STK17A: variants seen among roughly 807,000 people sequenced by gnomAD.
The protein encoded by STK17A is serine/threonine kinase 17a, also known as serine/threonine-protein kinase 17A.
In STK17A, 26 loss-of-function variants were observed where a neutral mutation model predicts 43.7. That is an observed-to-expected ratio of 0.60 (90% confidence interval 0.44 to 0.83). STK17A has a LOEUF of 0.83. Among genes scored for constraint, STK17A ranks in the 40% least tolerant of loss-of-function variants. The pLI is 0.00. For missense variants in STK17A, 476 were observed against 511.6 expected, an observed-to-expected ratio of 0.93 and a Z score of 0.67; for synonymous variants, 191 against 182.5, an observed-to-expected ratio of 1.05 and a Z score of -0.38.
At chr7:43,584,506 T>C (rs2152970036) in intron 1 of STK17A, among the ~76,000 whole-genome samples, 1 of 152,342 alleles carries the variant, frequency 6.6e-6, no homozygotes, top group East Asian at 1.9e-4. Flanking sequence ...TTGCCAGCAT[T>C]TGTCATGGTT....
At position 43,583,164 on chromosome 7, in the gene STK17A, C is replaced by G; in HGVS notation, c.-80C>G. On this transcript the variant is annotated 5_prime_UTR_variant, in exon 1 of 7. Coordinates refer to ENST00000319357, the MANE Select transcript of STK17A (RefSeq NM_004760.3). ...TGTTTGAAGGCTCCGCGGACCGGCACTAGGAGCCGGGGGCGGGTCCGTGAC... is the reference window on the plus strand; with the variant it reads ...TGTTTGAAGGCTCCGCGGACCGGCAGTAGGAGCCGGGGGCGGGTCCGTGAC... 1 of 1,472,052 alleles carries G rather than the reference C, an allele frequency of 6.8e-7. No individual in the cohort carries two copies. Among genetic ancestry groups the G allele is most frequent in the Non-Finnish European group, 9.1e-7 (1 of 1,094,122 alleles). The allele number at this position is 1,472,052 out of a possible 1,614,324, so 91.2% of individuals were successfully genotyped here.
chr7:43,599,663 T>C (rs1448345853), intron 2 of STK17A, among the ~76,000 whole-genome samples: 2 of 152,162 alleles, frequency 1.3e-5, no homozygotes, highest in Non-Finnish European at 1.5e-5. Context: ...TGTGTATAAA[T>C]ATGAGAAAGG....
At chr7:43,623,540 A>C in intron 4 of STK17A, 32 bp from the exon 5 acceptor site, 1 of 1,595,348 alleles carries the variant, frequency 6.3e-7, no homozygotes, top group Non-Finnish European at 8.5e-7. Context: ...TTTTCCACAA[A>C]ACTAAATGTT....
chr7:43,614,318 T>A (rs1267191012), intron 3 of STK17A, among the ~76,000 whole-genome samples: 1 of 152,232 alleles, frequency 6.6e-6, no homozygotes, highest in African/African-American at 2.4e-5. Context: ...TCTCTATTGA[T>A]TGACCTTGCT....
intron 2 of STK17A, among the ~76,000 whole-genome samples, chr7:43,596,981 A>G (rs2082520201): frequency 6.6e-6 from 1 of 152,176 alleles, no homozygotes; most frequent in Admixed American, 6.5e-5. Flanking sequence ...TAAGCAACAT[A>G]ACAAAGACCC....
At chr7:43,611,052 G>A (rs781351901) in intron 3 of STK17A, among the ~76,000 whole-genome samples, 4 of 152,154 alleles carry the variant, frequency 2.6e-5, no homozygotes, top group African/African-American at 9.7e-5. Context: ...GGGAGGTGAC[G>A]GTTGCAGTGA....
chr7:43,601,470 A>G (rs2082554674), intron 2 of STK17A, among the ~76,000 whole-genome samples: 1 of 152,188 alleles, frequency 6.6e-6, no homozygotes, highest in African/African-American at 2.4e-5. Context: ...TTTATTACAG[A>G]TAGGATTAAG....
chr7:43,595,319 C>G (rs1331012332), intron 1 of STK17A, among the ~76,000 whole-genome samples: 3 of 135,326 alleles, frequency 2.2e-5, no homozygotes, highest in Non-Finnish European at 4.6e-5. Flanking sequence ...ACTCTGTCAT[C>G]CAGTCTGGAG....
rs1415725277 is a variant in STK17A, at chr7:43,627,038, C to T, written c.*2196C>T. Among the ~76,000 whole-genome samples the T allele has an allele frequency of 1.3e-5, 2 of 152,152 alleles. No homozygotes were observed. The highest frequency in any genetic ancestry group is 4.8e-5 in the African/African-American group (2 of 41,430). On this transcript the variant is annotated 3_prime_UTR_variant, in exon 7 of 7. Coordinates refer to ENST00000319357, the MANE Select transcript of STK17A (RefSeq NM_004760.3). ...CAGCTAGCTCTACACTTATCTAAAG[C>T]TGTTAATGTTCCTTTTTTTCTATCA...
At chr7:43,623,498 G>C (rs1298236921) in intron 4 of STK17A, 74 bp from the exon 5 acceptor site, 15 of 1,332,604 alleles carry the variant, frequency 1.1e-5, no homozygotes, top group Non-Finnish European at 1.6e-5. Flanking sequence ...CTAATGCTTA[G>C]TTTTTTATCT....
intron 1 of STK17A, among the ~76,000 whole-genome samples, chr7:43,584,154 C>G (rs537886923): frequency 2.6e-5 from 4 of 152,064 alleles, no homozygotes; most frequent in African/African-American, 9.6e-5. Context: ...GAGCTTACAA[C>G]TTGGTCTGTA....
At position 43,627,106 on chromosome 7, in the gene STK17A, G is replaced by A. The variant is rs1255203970; in HGVS notation, c.*2264G>A. On this transcript the variant is annotated 3_prime_UTR_variant, in exon 7 of 7. Transcript: ENST00000319357. ...TAAACAGTACTATTGAGTTTACTCG[G>A]TTTATAAATCCAGTTTTAACTATAA... Among the ~76,000 whole-genome samples the A allele has an allele frequency of 6.6e-6, 1 of 152,164 alleles. No homozygotes were observed. The highest frequency in any genetic ancestry group is 1.5e-5 in the Non-Finnish European group (1 of 68,036).
At chr7:43,599,679 T>C (rs894756358) in intron 2 of STK17A, among the ~76,000 whole-genome samples, 7 of 152,186 alleles carry the variant, frequency 4.6e-5, no homozygotes, top group Non-Finnish European at 8.8e-5. Flanking sequence ...AAAGGACTTA[T>C]TAGGAAACTG....
At chr7:43,610,076 G>T (rs1045041055) in intron 3 of STK17A, among the ~76,000 whole-genome samples, 15 of 152,212 alleles carry the variant, frequency 9.9e-5, no homozygotes, top group Non-Finnish European at 2.9e-5. Flanking sequence ...GCCGGGCGCG[G>T]TGGCTCACGC....
intron 2 of STK17A, 54 bp downstream of exon 2, chr7:43,596,167 C>T (rs982099531): frequency 9.4e-5 from 139 of 1,484,032 alleles, no homozygotes; most frequent in African/African-American, 1.1e-4. Flanking sequence ...ACTTCCTTTA[C>T]GGAATGCCAC....
chr7:43,599,106 A>G (rs923120873), intron 2 of STK17A, among the ~76,000 whole-genome samples: 1 of 152,194 alleles, frequency 6.6e-6, no homozygotes, highest in Non-Finnish European at 1.5e-5. Flanking sequence ...GTGATAATAT[A>G]TTTTGATGGA....
chr7:43,583,184 C>T lies in STK17A; in HGVS notation c.-60C>T. ...CGGCACTAGGAGCCGGGGGCGGGTC[C>T]GTGACCCTCCGGCTGCTCGGAGTGA... On this transcript the variant is annotated 5_prime_UTR_variant, in exon 1 of 7. Transcript: ENST00000319357. The T allele has an allele frequency of 1.3e-6, 2 of 1,527,210 alleles. No homozygotes were observed. The highest frequency in any genetic ancestry group is 1.2e-5 in the South Asian group (1 of 83,742). 94.6% of individuals were successfully genotyped at this position (1,527,210 alleles called of 1,614,324 possible).
At chr7:43,611,832 A>G (rs2082905828) in intron 3 of STK17A, among the ~76,000 whole-genome samples, 1 of 152,160 alleles carries the variant, frequency 6.6e-6, no homozygotes, top group South Asian at 2.1e-4. Context: ...CAGGAAGAGA[A>G]CCCCAATTTA....
In STK17A at chr7:43,583,146, A is replaced by G. The variant is rs1019901352; in HGVS notation, c.-98A>G. On this transcript the variant is annotated 5_prime_UTR_variant, in exon 1 of 7. Coordinates refer to ENST00000319357, the MANE Select transcript of STK17A (RefSeq NM_004760.3). ...CGCGCTGGGGAGAGCGGGTGTTTGA[A>G]GGCTCCGCGGACCGGCACTAGGAGC... 33 of 1,332,832 alleles carry G rather than the reference A, an allele frequency of 2.5e-5. No individual in the cohort carries two copies. The Middle Eastern group carries it at 1.7e-3, about 69-fold the overall frequency. 82.6% of individuals were successfully genotyped at this position (1,332,832 alleles called of 1,614,324 possible).
Sources: allele counts gnomAD v4.1 joint callset (sites outside exome capture counted in the v4.1 genomes callset), GRCh38; gene constraint gnomAD v4.1.1; transcripts MANE v1.5; gene names NCBI Gene and HGNC (gene_info 2026-07-23, HGNC 2026-07-21).